The following RBMS3 variants were observed in gnomAD, a reference collection of about 807,000 sequenced individuals.
RBMS3 encodes RNA-binding motif, single-stranded-interacting protein 3.
In RBMS3, 27 loss-of-function variants were observed where a neutral mutation model predicts 66.8. The observed-to-expected ratio is 0.40, with a 90% CI of 0.30 to 0.56. The LOEUF (loss-of-function observed/expected upper bound fraction) is 0.56. RBMS3 is among the 20% of genes least tolerant of loss of function. RBMS3 has a pLI of 0.40. For missense variants in RBMS3, 513 were observed against 549.5 expected (o/e 0.93, Z 0.66); for synonymous variants, 188 against 183.0 (o/e 1.03, Z -0.22).
At chr3:29,912,424 T>C (rs1385426936) in intron 10 of RBMS3, among the ~76,000 whole-genome samples, 1 of 152,094 alleles carries the variant, frequency 6.6e-6, no homozygotes, top group East Asian at 1.9e-4. Context: ...AATTTGTCTT[T>C]GTAAGTTTGA....
At chr3:29,674,353 A>T (rs374157036) in intron 4 of RBMS3, among the ~76,000 whole-genome samples, 1 of 152,214 alleles carries the variant, frequency 6.6e-6, no homozygotes, top group South Asian at 2.1e-4. Flanking sequence ...CAAGACAGGG[A>T]TGCCCTCTCT....
chr3:29,716,914 T>TATACAC (rs2053423041), intron 4 of RBMS3, among the ~76,000 whole-genome samples: 1 of 151,516 alleles, frequency 6.6e-6, no homozygotes, highest in African/African-American at 2.4e-5. Flanking sequence ...TTGTAGTACA[T>TATACAC]GCATACGTAT....
chr3:29,611,681 A>G (rs568825524), intron 4 of RBMS3, among the ~76,000 whole-genome samples: 1 of 152,160 alleles, frequency 6.6e-6, no homozygotes, highest in South Asian at 2.1e-4. Context: ...AATTTTAAAA[A>G]TTCTGTAGTC....
intron 1 of RBMS3, among the ~76,000 whole-genome samples, chr3:29,305,631 GA>G (rs1416254879): frequency 2.0e-5 from 3 of 151,954 alleles, no homozygotes; most frequent in Non-Finnish European, 2.9e-5. Flanking sequence ...GGGTGACATT[GA>G]TAATTGATGG....
Position 29,740,458 on chromosome 3 carries a change from A to T in RBMS3, c.557+581A>T, listed in dbSNP as rs79669014. On this transcript the variant is annotated intron_variant, in intron 5 of 14. Transcript: ENST00000383767. The stretch of plus-strand genomic sequence containing the variant: ...TAGGCAGAACAGGGGAAAAAAAAAT[A>T]TTCCTTTCATTGTAAGAAAAGGAAG... Among the ~76,000 whole-genome samples the T allele has an allele frequency of 4.1e-3, 630 of 152,262 alleles. 15 individuals are homozygous for T. Among genetic ancestry groups the T allele is most frequent in the Admixed American group, 0.035 (531 of 15,290 alleles).
chr3:29,389,946 G>T (rs1337418561), intron 1 of RBMS3, among the ~76,000 whole-genome samples: 1 of 152,082 alleles, frequency 6.6e-6, no homozygotes, highest in Non-Finnish European at 1.5e-5. Flanking sequence ...AAGGGTAAGG[G>T]ACTGCTACTG....
chr3:29,350,071 A>G (rs2036814371), intron 1 of RBMS3, among the ~76,000 whole-genome samples: 1 of 151,872 alleles, frequency 6.6e-6, no homozygotes. Context: ...GAGGCAAGAG[A>G]ATTGCTTGAA....
chr3:29,581,090 A>G (rs1576286688), intron 3 of RBMS3, among the ~76,000 whole-genome samples: 1 of 152,316 alleles, frequency 6.6e-6, no homozygotes, highest in East Asian at 1.9e-4. Flanking sequence ...GCTTTTCAGC[A>G]GGAACTATCT....
intron 1 of RBMS3, among the ~76,000 whole-genome samples, chr3:29,291,029 A>G (rs1184429614): frequency 6.6e-6 from 1 of 151,926 alleles, no homozygotes; most frequent in Non-Finnish European, 1.5e-5. Context: ...GCATACATGA[A>G]TATTCTTGCG....
At chr3:29,452,227 A>G (rs1422595651) in intron 2 of RBMS3, among the ~76,000 whole-genome samples, 1 of 152,100 alleles carries the variant, frequency 6.6e-6, no homozygotes, top group African/African-American at 2.4e-5. Context: ...AGCTTATTTA[A>G]CTCTCTGTTG....
chr3:29,559,195 TA>T (rs1216212971), intron 3 of RBMS3, among the ~76,000 whole-genome samples: 1 of 152,088 alleles, frequency 6.6e-6, no homozygotes, highest in African/African-American at 2.4e-5. Context: ...CTGTATTTTC[TA>T]AATAATTGTG....
chr3:29,796,192 G>T (rs1176175183), intron 6 of RBMS3, among the ~76,000 whole-genome samples: 4 of 152,052 alleles, frequency 2.6e-5, no homozygotes, highest in Non-Finnish European at 5.9e-5. Context: ...ATGTATATTG[G>T]GCTTCAAGTA....
intron 2 of RBMS3, among the ~76,000 whole-genome samples, chr3:29,439,548 T>A (rs2041533571): frequency 6.6e-6 from 1 of 152,064 alleles, no homozygotes; most frequent in Non-Finnish European, 1.5e-5. Flanking sequence ...AACAGCAAAG[T>A]AGCACAGAAT....
chr3:29,675,314 A>T (rs1182079047), intron 4 of RBMS3, among the ~76,000 whole-genome samples: 1 of 152,256 alleles, frequency 6.6e-6, no homozygotes. Context: ...ACTTAAAACC[A>T]TAAAAATCCT....
In RBMS3 at chr3:29,372,397, G is replaced by T. The variant is rs74333952; in HGVS notation, c.76-62346G>T. ...TTTAAAAAAGAACTTTAATAATTCC[G>T]GGTTCTATTTGTTTTATAATGAGAT... On this transcript the variant is annotated intron_variant, in intron 1 of 14. Coordinates refer to ENST00000383767, the MANE Select transcript of RBMS3 (RefSeq NM_001003793.3). Among the ~76,000 whole-genome samples the T allele has an allele frequency of 9.0e-3, 1,367 of 152,036 alleles. 9 individuals carry two copies. Among genetic ancestry groups the T allele is most frequent in the Middle Eastern group, 0.027 (8 of 294 alleles).
At chr3:29,530,900 T>C (rs911692641) in intron 3 of RBMS3, among the ~76,000 whole-genome samples, 8 of 151,968 alleles carry the variant, frequency 5.3e-5, no homozygotes, top group African/African-American at 1.2e-4. Flanking sequence ...TTTCAATGCT[T>C]ACATAATCTG....
At chr3:29,851,647 A>T (rs999893553) in intron 6 of RBMS3, among the ~76,000 whole-genome samples, 1 of 152,198 alleles carries the variant, frequency 6.6e-6, no homozygotes. Context: ...CTTAGAATTT[A>T]TAATTCATAT....
At chr3:29,541,849 A>G (rs35904) in intron 3 of RBMS3, among the ~76,000 whole-genome samples, 1 of 151,478 alleles carries the variant, frequency 6.6e-6, no homozygotes, top group Admixed American at 6.6e-5. Flanking sequence ...CCTCAGCCCT[A>G]CTGTCTCCTC....
intron 10 of RBMS3, among the ~76,000 whole-genome samples, chr3:29,935,402 T>C (rs2149687386): frequency 6.6e-6 from 1 of 152,218 alleles, no homozygotes; most frequent in South Asian, 2.1e-4. Context: ...CACTTTTATT[T>C]TTAAAAAAAA....
Sources: allele counts gnomAD v4.1 joint callset (sites outside exome capture counted in the v4.1 genomes callset), GRCh38; gene constraint gnomAD v4.1.1; transcripts MANE v1.5; gene names NCBI Gene and HGNC (gene_info 2026-07-23, HGNC 2026-07-21).